The following TAS2R1 variants were observed in gnomAD, a reference collection of about 807,000 sequenced individuals.
The protein encoded by TAS2R1 is taste receptor type 2 member 1.
For missense variants in TAS2R1, 370 were observed against 353.4 expected, an observed-to-expected ratio of 1.05 and a Z score of -0.38; for synonymous variants, 141 against 134.2, an observed-to-expected ratio of 1.05 and a Z score of -0.35.
chr5:9,689,848 C>A (rs1000675283), intron 1 of TAS2R1, among the ~76,000 whole-genome samples: 4 of 152,092 alleles, frequency 2.6e-5, no homozygotes, highest in African/African-American at 9.7e-5. Context: ...GAGTGAGAAT[C>A]TCTTTATTCT....
chr5:9,835,650 A>G, the TAS2R1 span, among the ~76,000 whole-genome samples: 1 of 152,142 alleles, frequency 6.6e-6, no homozygotes, highest in South Asian at 2.1e-4. Flanking sequence ...GAGTGATGCC[A>G]AGGAAGAACA....
the TAS2R1 span, among the ~76,000 whole-genome samples, chr5:9,812,320 G>A: frequency 6.6e-6 from 1 of 151,936 alleles, no homozygotes; most frequent in East Asian, 1.9e-4. Context: ...ATATATGTAT[G>A]TATGTATGTA....
At chr5:9,734,903 C>T in the TAS2R1 span, among the ~76,000 whole-genome samples, 1 of 151,418 alleles carries the variant, frequency 6.6e-6, no homozygotes, top group Non-Finnish European at 1.5e-5. Flanking sequence ...AGAAATGTAA[C>T]TGTATTCGTT....
At chr5:9,895,147 G>A in the TAS2R1 span, among the ~76,000 whole-genome samples, 18 of 152,128 alleles carry the variant, frequency 1.2e-4, no homozygotes, top group Admixed American at 2.0e-4. Context: ...ATGTCACTGC[G>A]TGTGTGTGAA....
At chr5:9,768,750 T>G in the TAS2R1 span, among the ~76,000 whole-genome samples, 1 of 152,356 alleles carries the variant, frequency 6.6e-6, no homozygotes, top group East Asian at 1.9e-4. Flanking sequence ...AGAGAAAACA[T>G]GTTGACTAAT....
the TAS2R1 span, among the ~76,000 whole-genome samples, chr5:9,747,085 G>A: frequency 1.3e-5 from 2 of 152,140 alleles, no homozygotes; most frequent in Admixed American, 6.6e-5. Flanking sequence ...AAAACCAGGA[G>A]AATTTAGTGT....
At chr5:9,886,453 C>T in the TAS2R1 span, among the ~76,000 whole-genome samples, 12 of 151,502 alleles carry the variant, frequency 7.9e-5, no homozygotes, top group Non-Finnish European at 1.8e-4. Flanking sequence ...TGCCTCAGCC[C>T]CCCTAGTAGC....
chr5:9,634,377 T>C (rs1309854755), upstream of TAS2R1, among the ~76,000 whole-genome samples: 1 of 152,110 alleles, frequency 6.6e-6, no homozygotes, highest in Non-Finnish European at 1.5e-5. Context: ...GGTTATGTGA[T>C]GCTTCCAGGT....
At chr5:9,651,378 G>T (rs1366947984) in intron 2 of TAS2R1, among the ~76,000 whole-genome samples, 1 of 152,088 alleles carries the variant, frequency 6.6e-6, no homozygotes. Flanking sequence ...GGGTTGGAGA[G>T]ACATAGCCAA....
chr5:9,685,833 G>T (rs1386650038), intron 1 of TAS2R1, among the ~76,000 whole-genome samples: 5 of 152,038 alleles, frequency 3.3e-5, no homozygotes, highest in African/African-American at 1.2e-4. Context: ...AATCCTTTAG[G>T]TACATAATGC....
upstream of TAS2R1, among the ~76,000 whole-genome samples, chr5:9,631,586 A>G (rs1435361291): frequency 6.6e-6 from 1 of 152,184 alleles, no homozygotes; most frequent in African/African-American, 2.4e-5. Context: ...CAAAGTGGGG[A>G]CCAATTCAAT....
chr5:9,731,224 C>T, the TAS2R1 span, among the ~76,000 whole-genome samples: 35 of 152,074 alleles, frequency 2.3e-4, no homozygotes, highest in Non-Finnish European at 4.7e-4. Context: ...CCTCCTTCCC[C>T]ACCACACTCC....
At chr5:9,873,308 T>C in the TAS2R1 span, among the ~76,000 whole-genome samples, 4 of 151,938 alleles carry the variant, frequency 2.6e-5, no homozygotes, top group East Asian at 5.8e-4. Context: ...AGGCTCCCTG[T>C]AGAGTTCATG....
At position 9,680,865 on chromosome 5, in the gene TAS2R1, C is replaced by A. The variant is rs531405032; in HGVS notation, c.-241-21284G>T. On this transcript the variant is annotated intron_variant, in intron 1 of 2. Transcript: ENST00000506620. ...GTCAGAAGTTCAAAACCATCCTGGC[C>A]AACATGGAAAAACCCTGTCTCTACT... 8.6e-5 allele frequency among the ~76,000 whole-genome samples: 13 copies of A among 151,838 alleles called. No individual in the cohort carries two copies. The East Asian group carries it at 2.1e-3, about 25-fold the overall frequency.
At chr5:9,859,152 C>T in the TAS2R1 span, among the ~76,000 whole-genome samples, 1 of 152,200 alleles carries the variant, frequency 6.6e-6, no homozygotes, top group Non-Finnish European at 1.5e-5. Flanking sequence ...ATTAAATCCT[C>T]ACCTCATAGC....
At chr5:9,640,295 T>C (rs1299482922) in intron 2 of TAS2R1, among the ~76,000 whole-genome samples, 1 of 151,802 alleles carries the variant, frequency 6.6e-6, no homozygotes, top group African/African-American at 2.4e-5. Context: ...ACACAGTTGG[T>C]GGTGTCCCCA....
chr5:9,873,485 T>A, the TAS2R1 span, among the ~76,000 whole-genome samples: 1 of 150,860 alleles, frequency 6.6e-6, no homozygotes, highest in Non-Finnish European at 1.5e-5. Flanking sequence ...AATTCCCATA[T>A]CAACCTAATT....
chr5:9,899,609 C>T, the TAS2R1 span, among the ~76,000 whole-genome samples: 5 of 149,674 alleles, frequency 3.3e-5, no homozygotes, highest in Admixed American at 1.3e-4. Context: ...TGCACTCCAG[C>T]CTGGGCAACA....
chr5:9,750,111 C>T, the TAS2R1 span, among the ~76,000 whole-genome samples: 3 of 152,162 alleles, frequency 2.0e-5, no homozygotes, highest in Non-Finnish European at 4.4e-5. Context: ...GATCCAAGGG[C>T]AGAAACTGGG....
Sources: gnomAD v4.1 joint callset for allele counts (sites outside exome capture counted in the v4.1 genomes callset) on GRCh38, gnomAD v4.1.1 for gene constraint, MANE v1.5 for transcripts, NCBI Gene and HGNC (gene_info 2026-07-23, HGNC 2026-07-21) for gene names.